The following SLC25A26 variants were observed in gnomAD, a reference collection of about 807,000 sequenced individuals.
SLC25A26 encodes solute carrier family 25 member 26.
In SLC25A26, 36 loss-of-function variants were observed where a neutral mutation model predicts 37.8. That is an observed-to-expected ratio of 0.95 (90% CI 0.73 to 1.26). The LOEUF is 1.26. Among genes scored for constraint, SLC25A26 ranks in the 50% most tolerant of loss-of-function variants. The pLI is 0.00. For missense variants in SLC25A26, 390 were observed against 331.1 expected, an observed-to-expected ratio of 1.18 and a Z score of -1.38; for synonymous variants, 129 against 122.5, an observed-to-expected ratio of 1.05 and a Z score of -0.35.
At chr3:66,340,625 G>C (rs564044136) in intron 5 of SLC25A26, among the ~76,000 whole-genome samples, 1 of 152,042 alleles carries the variant, frequency 6.6e-6, no homozygotes, top group East Asian at 1.9e-4. Flanking sequence ...TTTTTATGCT[G>C]TGGATATTCA....
chr3:66,351,834 A>G (rs558480127), intron 6 of SLC25A26, among the ~76,000 whole-genome samples: 4 of 152,306 alleles, frequency 2.6e-5, no homozygotes, highest in African/African-American at 7.2e-5. Flanking sequence ...TCACTGTTCT[A>G]GTTCAAGCCT....
chr3:66,378,597 T>G lies in SLC25A26; in HGVS notation c.*790T>G, dbSNP rs1700822454. 1 of 152,412 alleles carries G rather than the reference T, an allele frequency of 6.6e-6. No homozygotes were observed. The highest frequency in any genetic ancestry group is 2.1e-4 in the South Asian group (1 of 4,830). The allele number at this position is 152,412 out of a possible 1,614,324, so 9.4% of individuals were successfully genotyped here. A position where few individuals can be genotyped will look rare whatever the true frequency, so the allele number is the denominator to read the frequency against. On this transcript the variant is annotated 3_prime_UTR_variant, in exon 10 of 10. Transcript: ENST00000354883. ...GGATGAAATGGAAAGGTCACCACACTTAGGGATTTTAGACCTTGACTAACA... is the reference window on the plus strand; with the variant it reads ...GGATGAAATGGAAAGGTCACCACACGTAGGGATTTTAGACCTTGACTAACA...
At chr3:66,262,634 C>G (rs2073574253) in intron 4 of SLC25A26, among the ~76,000 whole-genome samples, 1 of 152,094 alleles carries the variant, frequency 6.6e-6, no homozygotes, top group Non-Finnish European at 1.5e-5. Context: ...TAGCTGCTTT[C>G]CTTTATAGTT....
intron 9 of SLC25A26, among the ~76,000 whole-genome samples, chr3:66,376,318 A>G (rs1009529497): frequency 3.3e-5 from 5 of 152,196 alleles, no homozygotes; most frequent in Non-Finnish European, 7.3e-5. Context: ...CAATTTTGAA[A>G]GAGGTCCTAC....
At chr3:66,302,552 G>A (rs2075106809) in intron 5 of SLC25A26, among the ~76,000 whole-genome samples, 1 of 152,176 alleles carries the variant, frequency 6.6e-6, no homozygotes, top group Admixed American at 6.5e-5. Context: ...CAGCAGTTTA[G>A]AGTAAGCAGC....
At chr3:66,224,626 A>G (rs978772311) in intron 1 of SLC25A26, among the ~76,000 whole-genome samples, 7 of 152,180 alleles carry the variant, frequency 4.6e-5, no homozygotes, top group African/African-American at 7.2e-5. Context: ...CAAATCTCCT[A>G]TCCTCACATT....
At chr3:66,204,003 T>C (rs2071141454) in intron 1 of SLC25A26, among the ~76,000 whole-genome samples, 2 of 152,182 alleles carry the variant, frequency 1.3e-5, no homozygotes, top group Non-Finnish European at 2.9e-5. Flanking sequence ...AAGAGAAGAA[T>C]GGAATATTCT....
chr3:66,150,753 C>G (rs1467993234), intron 1 of SLC25A26, among the ~76,000 whole-genome samples: 1 of 148,918 alleles, frequency 6.7e-6, no homozygotes, highest in East Asian at 2.0e-4. Context: ...CCTGGACTGG[C>G]TGGACATTAG....
chr3:66,141,085 G>A (rs895359529), intron 1 of SLC25A26, among the ~76,000 whole-genome samples: 6 of 151,612 alleles, frequency 4.0e-5, no homozygotes, highest in East Asian at 1.9e-4. Context: ...AAATGAGCAC[G>A]TGTAAAACAG....
At chr3:66,327,456 AAATATAT>A (rs2075866174) in intron 5 of SLC25A26, among the ~76,000 whole-genome samples, 1 of 152,204 alleles carries the variant, frequency 6.6e-6, no homozygotes, top group Non-Finnish European at 1.5e-5. Context: ...TCCCACTCAT[AAATATAT>A]AATACATTGA....
Position 66,329,967 on chromosome 3 carries a change from G to A in SLC25A26, c.454-16397G>A, listed in dbSNP as rs138551078. On this transcript the variant is annotated intron_variant, in intron 5 of 9. Transcript: ENST00000354883. ...CATGTTTTTTGTAGGGATCTAATCC[G>A]TCAGTAAATAATCACAGAGAACCTC... Among the ~76,000 whole-genome samples the A allele has an allele frequency of 1.5e-3, 222 of 152,280 alleles. 1 individual carries two copies. Among genetic ancestry groups the A allele is most frequent in the African/African-American group, 4.8e-3 (198 of 41,558 alleles).
intron 1 of SLC25A26, among the ~76,000 whole-genome samples, chr3:66,210,794 G>A (rs924589990): frequency 6.7e-6 from 1 of 149,082 alleles, no homozygotes; most frequent in East Asian, 2.1e-4. Context: ...GATTACAAGC[G>A]CAAGCTACTG....
intron 9 of SLC25A26, among the ~76,000 whole-genome samples, chr3:66,372,036 T>G (rs1700372002): frequency 6.6e-6 from 1 of 152,160 alleles, no homozygotes; most frequent in Non-Finnish European, 1.5e-5. Context: ...GAGGTTATAG[T>G]GAGTTACAAC....
intron 5 of SLC25A26, among the ~76,000 whole-genome samples, chr3:66,327,336 A>G (rs2075863152): frequency 1.3e-5 from 2 of 152,196 alleles, no homozygotes; most frequent in South Asian, 4.1e-4. Flanking sequence ...TTAGTAACCT[A>G]AGATTTCTGT....
chr3:66,315,915 T>G (rs1553692997), intron 5 of SLC25A26, among the ~76,000 whole-genome samples: 1 of 152,218 alleles, frequency 6.6e-6, no homozygotes, highest in Non-Finnish European at 1.5e-5. Flanking sequence ...GTCTGTTTTG[T>G]CAGAGACTAG....
intron 5 of SLC25A26, among the ~76,000 whole-genome samples, chr3:66,268,286 C>G (rs1042268808): frequency 6.6e-5 from 10 of 152,246 alleles, no homozygotes; most frequent in Admixed American, 2.0e-4. Flanking sequence ...AGAATTACTT[C>G]GTGAAAAGTA....
chr3:66,261,990 A>T (rs2073547629), intron 3 of SLC25A26, 61 bp from the exon 4 acceptor site: 1 of 1,066,676 alleles, frequency 9.4e-7, no homozygotes, highest in East Asian at 2.6e-5. Context: ...TGCTTACCAA[A>T]AAATTTCAAT....
chr3:66,231,763 A>ATTTTTTTTTTTTT (rs377239684), intron 1 of SLC25A26, among the ~76,000 whole-genome samples: 1 of 137,912 alleles, frequency 7.3e-6, no homozygotes, highest in Non-Finnish European at 1.5e-5. Flanking sequence ...GGTTTACCTC[A>ATTTTTTTTTTTTT]TTTTTTTTTT....
At chr3:66,182,099 C>G (rs543363523) in intron 1 of SLC25A26, among the ~76,000 whole-genome samples, 1 of 152,200 alleles carries the variant, frequency 6.6e-6, no homozygotes, top group East Asian at 1.9e-4. Context: ...GAAGCACAGG[C>G]AACTAGGACA....
Sources: allele counts gnomAD v4.1 joint callset (sites outside exome capture counted in the v4.1 genomes callset), GRCh38; gene constraint gnomAD v4.1.1; transcripts MANE v1.5; gene names NCBI Gene and HGNC (gene_info 2026-07-23, HGNC 2026-07-21).